The following CRTC1 variants were observed in gnomAD, a reference collection of about 807,000 sequenced individuals.
CRTC1 encodes CREB-regulated transcription coactivator 1.
In CRTC1, 18 loss-of-function variants were observed where a neutral mutation model predicts 66.1. The ratio of observed to expected loss-of-function variants is 0.27; its 90% CI spans 0.19 to 0.40. The LOEUF (loss-of-function observed/expected upper bound fraction) is 0.40, where lower values mean the gene tolerates loss of function less well. Ranked by LOEUF, CRTC1 falls within the 10% of genes least tolerant of loss-of-function variation. CRTC1 has a pLI of 1.00. For missense variants in CRTC1, 669 were observed against 887.9 expected, an observed-to-expected ratio of 0.75 and a Z score of 3.13; for synonymous variants, 416 against 398.8, an observed-to-expected ratio of 1.04 and a Z score of -0.51.
chr19:18,738,401 C>T (rs964319477), intron 1 of CRTC1, among the ~76,000 whole-genome samples: 7 of 152,074 alleles, frequency 4.6e-5, no homozygotes, highest in Admixed American at 2.0e-4. Flanking sequence ...GCATGAGGGT[C>T]AGCTCCCCAA....
intron 1 of CRTC1, among the ~76,000 whole-genome samples, chr19:18,719,928 C>T (rs1001478002): frequency 2.0e-5 from 3 of 152,226 alleles, no homozygotes; most frequent in Non-Finnish European, 2.9e-5. Context: ...GCAGCGTCGG[C>T]GTCGGGCTTC....
At position 18,774,844 on chromosome 19, in the gene CRTC1, C is replaced by T; in HGVS notation, c.1426-56C>T. The T allele has an allele frequency of 8.3e-6, 13 of 1,568,696 alleles. No individual in the cohort carries two copies. The East Asian group carries it at 9.0e-5, about 11-fold the overall frequency. ...TCTTCCAGCCGGGCTTGGGAGGTGC[C>T]GACTTCCCACCTGGCCTCAGGCCGT... is the stretch of plus-strand genomic sequence containing the variant. On this transcript the variant is annotated intron_variant, in intron 11 of 13. Transcript: ENST00000321949.
rs2055050295 is a variant in CRTC1, at chr19:18,778,888, G to C, written c.*1506G>C. ...CTCTCTTGGGCAGCGTGGTCTGCTG[G>C]CTGCCCCTTCTTGGCAGCTCAGGGT... is the stretch of plus-strand genomic sequence containing the variant. On this transcript the variant is annotated 3_prime_UTR_variant, in exon 14 of 14. Coordinates refer to ENST00000321949, the MANE Select transcript of CRTC1 (RefSeq NM_015321.3). 4.3e-6 allele frequency: 1 copy of C among 231,444 alleles called. No individual in the cohort carries two copies. The highest frequency in any genetic ancestry group is 8.6e-6 in the Non-Finnish European group (1 of 116,910). 14.3% of individuals were successfully genotyped at this position (231,444 alleles called of 1,614,324 possible).
rs746191020 is a variant in CRTC1, at chr19:18,774,997, G to A, written c.1512+11G>A. The A allele has an allele frequency of 7.5e-6, 12 of 1,601,304 alleles. No homozygotes were observed. The highest frequency in any genetic ancestry group is 2.2e-5 in the South Asian group (2 of 91,004). On this transcript the variant is annotated intron_variant, in intron 12 of 13. Coordinates refer to ENST00000321949, the MANE Select transcript of CRTC1 (RefSeq NM_015321.3). ...GCTCTGTCCCACCAGGTGAGCGGGC[G>A]CCCAGGCTGCCAGCCGGCCGGTGCC...
chr19:18,759,908 G>A, intron 7 of CRTC1, 100 bp from the exon 8 acceptor site: 5 of 890,720 alleles, frequency 5.6e-6, no homozygotes, highest in Non-Finnish European at 8.6e-6. Flanking sequence ...GATGGGGGGT[G>A]GCCTTTTGCA....
In CRTC1 at chr19:18,781,130, G is replaced by A. The variant is rs772091339; in HGVS notation, c.*3748G>A. ...GGGGCCCTCTGTGTGGGGGTGGGACGCAGGGGCTCTCAGAGCAAGGGCCAC... is the reference window on the plus strand; with the variant it reads ...GGGGCCCTCTGTGTGGGGGTGGGACACAGGGGCTCTCAGAGCAAGGGCCAC... On this transcript the variant is annotated 3_prime_UTR_variant, in exon 14 of 14. Transcript: ENST00000321949. 4 of 226,864 alleles carry A rather than the reference G, an allele frequency of 1.8e-5. No individual in the cohort carries two copies. The highest frequency in any genetic ancestry group is 1.8e-4 in the South Asian group (1 of 5,494). The allele number at this position is 226,864 out of a possible 1,614,324, so 14.1% of individuals were successfully genotyped here.
At chr19:18,730,899 G>C (rs530192952) in intron 1 of CRTC1, among the ~76,000 whole-genome samples, 43 of 152,160 alleles carry the variant, frequency 2.8e-4, no homozygotes, top group Non-Finnish European at 3.5e-4. Context: ...GAGGGAGCTT[G>C]GAGAGGGAAG....
intron 3 of CRTC1, among the ~76,000 whole-genome samples, 182 bp downstream of exon 3, chr19:18,746,142 TGC>T (rs2054230850): frequency 6.6e-6 from 1 of 152,138 alleles, no homozygotes; most frequent in Non-Finnish European, 1.5e-5. Context: ...GAGGAGGCTG[TGC>T]CACAAGCCCT....
In CRTC1 at chr19:18,742,897, TTC is replaced by T. The variant is rs763996458; in HGVS notation, c.127-6_127-5del. 80 of 1,603,046 alleles carry T rather than the reference TTC, an allele frequency of 5.0e-5. No individual in the cohort carries two copies. The highest frequency in any genetic ancestry group is 5.9e-5 in the Non-Finnish European group (69 of 1,170,738). On this transcript the variant is annotated splice_polypyrimidine_tract_variant and intron_variant, in intron 1 of 13. Transcript: ENST00000321949. ...GGTGACCCCTCCCGCAGCTGCTGGC[TTC>T]TCTCTCGCAGCTCCAGCTCCAGAAA...
At chr19:18,770,670 C>T (rs1353360209) in intron 10 of CRTC1, among the ~76,000 whole-genome samples, 1 of 150,962 alleles carries the variant, frequency 6.6e-6, no homozygotes, top group Non-Finnish European at 1.5e-5. Flanking sequence ...TGCATGTGTG[C>T]ATGCGTGGGT....
At chr19:18,691,714 CT>C (rs982549905) in intron 1 of CRTC1, among the ~76,000 whole-genome samples, 3 of 151,298 alleles carry the variant, frequency 2.0e-5, no homozygotes, top group African/African-American at 7.3e-5. Context: ...GCCGGTGCCT[CT>C]TTTTTTTGTT....
intron 1 of CRTC1, among the ~76,000 whole-genome samples, chr19:18,684,357 C>T (rs1324918681): frequency 6.6e-6 from 1 of 151,982 alleles, no homozygotes; most frequent in African/African-American, 2.4e-5. Flanking sequence ...GGGACAGATG[C>T]CCTCCCATTC....
rs2054781898 is a variant in CRTC1 at position 18,768,369 on chromosome 19, C to T, written c.1012-116C>T. The T allele has an allele frequency of 4.8e-6, 4 of 825,674 alleles. No individual in the cohort carries two copies. Among genetic ancestry groups the T allele is most frequent in the South Asian group, 1.7e-5 (1 of 58,818 alleles). The allele number at this position is 825,674 out of a possible 1,614,324, so 51.1% of individuals were successfully genotyped here. On this transcript the variant is annotated intron_variant, in intron 9 of 13. Transcript: ENST00000321949. The surrounding 1 kb of genome is among the most constrained non-coding windows in gnomAD (Gnocchi z 5.6). Reference sequence around the variant, plus strand: ...GAGGAGCACCCAGCCCAGGGGCTGCCTGTGATCACAGGGCCCTTCCACCTC... The same window carrying T: ...GAGGAGCACCCAGCCCAGGGGCTGCTTGTGATCACAGGGCCCTTCCACCTC...
chr19:18,749,640 G>A (rs764661440), intron 4 of CRTC1, 141 bp from the exon 5 acceptor site: 3 of 679,246 alleles, frequency 4.4e-6, no homozygotes, highest in Admixed American at 2.3e-5. Flanking sequence ...GAGGTCCCGA[G>A]AGCTTTGCTC....
chr19:18,720,443 G>A (rs951009867), intron 1 of CRTC1, among the ~76,000 whole-genome samples: 5 of 150,758 alleles, frequency 3.3e-5, no homozygotes, highest in East Asian at 3.9e-4. Flanking sequence ...TCCGCCTTCC[G>A]GGTTCACGCC....
rs2053013654 is a variant in CRTC1, at chr19:18,697,253, C to CG, written c.126+13431dup. ...GGAGGGATTCAGAAGCACTTGGCAC[C>CG]GGGGGGAGCAGCCTCATCGGTGTCC... On this transcript the variant is annotated intron_variant, in intron 1 of 13. Transcript: ENST00000321949. Among the ~76,000 whole-genome samples the CG allele has an allele frequency of 2.0e-5, 3 of 152,184 alleles. No individual in the cohort carries two copies. In the South Asian group the frequency reaches 6.2e-4, roughly 32 times the overall value.
At chr19:18,699,835 T>C (rs2053087046) in intron 1 of CRTC1, among the ~76,000 whole-genome samples, 1 of 152,098 alleles carries the variant, frequency 6.6e-6, no homozygotes, top group East Asian at 1.9e-4. Flanking sequence ...AAGGATCCCA[T>C]TGGCTGCCAT....
In CRTC1 at chr19:18,777,556, C is replaced by T. The variant is rs2055020378; in HGVS notation, c.*174C>T. On this transcript the variant is annotated 3_prime_UTR_variant, in exon 14 of 14. Coordinates refer to ENST00000321949, the MANE Select transcript of CRTC1 (RefSeq NM_015321.3). The surrounding 1 kb of genome is among the most constrained non-coding windows in gnomAD (Gnocchi z 5.5). ...GTCCACCTCCCGCGAAGCCCAATCGCGAGGCCGCGAGCCGGGCCGTCCACC... is the reference window on the plus strand; with the variant it reads ...GTCCACCTCCCGCGAAGCCCAATCGTGAGGCCGCGAGCCGGGCCGTCCACC... 1 of 613,344 alleles carries T rather than the reference C, an allele frequency of 1.6e-6. No individual in the cohort carries two copies. Among genetic ancestry groups the T allele is most frequent in the South Asian group, 2.0e-5 (1 of 49,592 alleles). 38.0% of individuals were successfully genotyped at this position (613,344 alleles called of 1,614,324 possible).
At chr19:18,732,785 A>G (rs2053918705) in intron 1 of CRTC1, among the ~76,000 whole-genome samples, 1 of 152,140 alleles carries the variant, frequency 6.6e-6, no homozygotes, top group Non-Finnish European at 1.5e-5. Flanking sequence ...GATACTCCAG[A>G]AGCCTTTCAG....
Sources: allele counts gnomAD v4.1 joint callset (sites outside exome capture counted in the v4.1 genomes callset), GRCh38; gene constraint gnomAD v4.1.1; non-coding constraint Gnocchi (gnomAD v3.1); transcripts MANE v1.5; gene names NCBI Gene and HGNC (gene_info 2026-07-23, HGNC 2026-07-21).